Variants in LY96 observed in about 807,000 individuals in gnomAD.
LY96 encodes myeloid differentiation protein-2.
Under a neutral mutation model 18.9 loss-of-function variants are expected in LY96, and 18 were observed. The observed-to-expected ratio is 0.95, with a 90% CI of 0.66 to 1.41. The LOEUF (loss-of-function observed/expected upper bound fraction) is 1.41. Among genes scored for constraint, LY96 ranks in the 40% most tolerant of loss-of-function variants. LY96 has a pLI of 0.00. For synonymous variants in LY96, 66 were observed against 62.6 expected, an observed-to-expected ratio of 1.06 and a Z score of -0.26; for missense variants, 175 against 182.4, an observed-to-expected ratio of 0.96 and a Z score of 0.23.
At chr8:74,073,997 T>G in the LY96 span, among the ~76,000 whole-genome samples, 1 of 151,292 alleles carries the variant, frequency 6.6e-6, no homozygotes, top group Non-Finnish European at 1.5e-5. Context: ...TAGTTTTATT[T>G]TTGGTTTTGT....
the LY96 span, among the ~76,000 whole-genome samples, chr8:74,087,476 A>G: frequency 1.3e-5 from 2 of 152,236 alleles, no homozygotes; most frequent in African/African-American, 4.8e-5. Flanking sequence ...CAAAGCCGTC[A>G]GCACTCAGGC....
intron 1 of LY96, among the ~76,000 whole-genome samples, chr8:73,999,197 T>A (rs891030948): frequency 1.3e-5 from 2 of 152,166 alleles, no homozygotes; most frequent in Non-Finnish European, 2.9e-5. Context: ...CTCAAACTCC[T>A]GACCTCAGGT....
At chr8:74,070,683 C>T in the LY96 span, among the ~76,000 whole-genome samples, 1 of 152,088 alleles carries the variant, frequency 6.6e-6, no homozygotes, top group East Asian at 1.9e-4. Flanking sequence ...AGATTCACCT[C>T]GTGTTCTTAC....
chr8:74,008,080 C>G (rs1178958732), intron 2 of LY96, among the ~76,000 whole-genome samples: 2 of 152,074 alleles, frequency 1.3e-5, no homozygotes, highest in African/African-American at 2.4e-5. Context: ...GTCTCTCACT[C>G]CAACACCCAT....
downstream of LY96, among the ~76,000 whole-genome samples, chr8:74,032,741 T>A (rs544245689): frequency 1.4e-4 from 22 of 152,352 alleles, no homozygotes; most frequent in Non-Finnish European, 2.8e-4. Flanking sequence ...GATAGAATCC[T>A]TAATTTTAAA....
At chr8:74,080,990 CTT>C in the LY96 span, among the ~76,000 whole-genome samples, 1,670 of 78,940 alleles carry the variant, frequency 0.021, 20 homozygotes, top group Admixed American at 0.036. Flanking sequence ...CTCTCTCTTT[CTT>C]TCTTTCTTTC....
the LY96 span, among the ~76,000 whole-genome samples, chr8:74,063,638 A>G: frequency 6.6e-6 from 1 of 152,120 alleles, no homozygotes; most frequent in Non-Finnish European, 1.5e-5. Flanking sequence ...TTTTCTATAC[A>G]TGATTATAAT....
In LY96 at chr8:74,029,057, T is replaced by G. The variant is rs1349013076; in HGVS notation, c.*3T>G. 1.3e-6 allele frequency: 2 copies of G among 1,570,634 alleles called. No individual in the cohort carries two copies. Among genetic ancestry groups the G allele is most frequent in the Non-Finnish European group, 1.8e-6 (2 of 1,142,622 alleles). On this transcript the variant is annotated 3_prime_UTR_variant, in exon 5 of 5. Coordinates refer to ENST00000284818, the MANE Select transcript of LY96 (RefSeq NM_015364.5). ...TACACCAACCTAATTCAAATTAGAA[T>G]AAATTGAGTATTTAAAAAAAAATTT...
the LY96 span, among the ~76,000 whole-genome samples, chr8:74,058,970 T>C: frequency 6.6e-6 from 1 of 152,324 alleles, no homozygotes; most frequent in East Asian, 1.9e-4. Flanking sequence ...AATTGATGTT[T>C]CAGCTCAAGC....
chr8:74,013,520 T>C (rs1816574624), intron 3 of LY96, among the ~76,000 whole-genome samples: 2 of 152,096 alleles, frequency 1.3e-5, no homozygotes, highest in Non-Finnish European at 2.9e-5. Flanking sequence ...ACTCCTGGGC[T>C]CAAGTGATCC....
At chr8:74,073,744 A>G in the LY96 span, among the ~76,000 whole-genome samples, 1 of 151,866 alleles carries the variant, frequency 6.6e-6, no homozygotes, top group African/African-American at 2.4e-5. Flanking sequence ...GCTCACTGCA[A>G]CTTCTGCCTC....
At chr8:74,074,467 TTTTCA>T in the LY96 span, among the ~76,000 whole-genome samples, 3 of 152,170 alleles carry the variant, frequency 2.0e-5, no homozygotes, top group African/African-American at 4.8e-5. Flanking sequence ...TTTTATATTG[TTTTCA>T]TTTCAATTTT....
chr8:74,094,535 AG>A, the LY96 span, among the ~76,000 whole-genome samples: 6 of 152,230 alleles, frequency 3.9e-5, no homozygotes, highest in Non-Finnish European at 7.3e-5. Context: ...TGTGCTACAA[AG>A]GTAACCTTCA....
the LY96 span, among the ~76,000 whole-genome samples, chr8:74,046,454 A>G: frequency 5.3e-5 from 8 of 152,288 alleles, no homozygotes; most frequent in South Asian, 1.7e-3. Context: ...AAATCTTGCT[A>G]TTTATTAGGA....
At chr8:73,997,882 A>G (rs1168058048) in intron 1 of LY96, among the ~76,000 whole-genome samples, 1 of 152,230 alleles carries the variant, frequency 6.6e-6, no homozygotes, top group Non-Finnish European at 1.5e-5. Flanking sequence ...CAGAGTGTCC[A>G]TGTCCTCTCT....
chr8:74,074,074 T>C, the LY96 span, among the ~76,000 whole-genome samples: 1 of 152,290 alleles, frequency 6.6e-6, no homozygotes, highest in Non-Finnish European at 1.5e-5. Context: ...CTCAGCTCAC[T>C]GCAACCTCTG....
rs1258126719 is a variant in LY96 at position 74,010,075 on chromosome 8, G to A, written c.277G>A (p.Val93Ile). Reference sequence around the variant, plus strand: ...CATGAATCTTCCAAAGCGCAAAGAAGTTATTTGCCGAGGATCTGATGACGA... The same window carrying A: ...CATGAATCTTCCAAAGCGCAAAGAAATTATTTGCCGAGGATCTGATGACGA... ...NTMNLPKRKE[V>I]ICRGSDDDYS... Residue 93 changes from valine to isoleucine, a missense_variant, in exon 3 of 5, where the codon GTT (valine) becomes ATT (isoleucine). By Grantham distance (29) the Val-to-Ile change is conservative (BLOSUM62 3). Transcript: ENST00000284818. 3 of 1,612,480 alleles carry A rather than the reference G, an allele frequency of 1.9e-6. No homozygotes were observed. The Admixed American group carries it at 5.0e-5, about 27-fold the overall frequency.
chr8:74,007,454 A>C (rs548674988), intron 2 of LY96, among the ~76,000 whole-genome samples: 5 of 152,368 alleles, frequency 3.3e-5, no homozygotes, highest in African/African-American at 1.2e-4. Context: ...TTTCCATAGA[A>C]TATACTATAA....
At chr8:74,022,248 A>G (rs1438583913) in intron 3 of LY96, among the ~76,000 whole-genome samples, 1 of 151,950 alleles carries the variant, frequency 6.6e-6, no homozygotes, top group Admixed American at 6.6e-5. Context: ...TCTGTACTAA[A>G]AATACAAAAG....
Sources: gnomAD v4.1 joint callset for allele counts (sites outside exome capture counted in the v4.1 genomes callset) on GRCh38, gnomAD v4.1.1 for gene constraint, MANE v1.5 for transcripts, NCBI Gene and HGNC (gene_info 2026-07-23, HGNC 2026-07-21) for gene names.